The following NBEA variants were observed in gnomAD, a reference collection of about 807,000 sequenced individuals.
NBEA encodes lysosomal-trafficking regulator 2.
A neutral mutation model predicts 343.4 loss-of-function variants in NBEA; 44 were observed. The ratio of observed to expected loss-of-function variants is 0.13; its 90% CI spans 0.10 to 0.16. The LOEUF (loss-of-function observed/expected upper bound fraction) is 0.16. NBEA is among the 10% of genes least tolerant of loss of function. NBEA has a pLI of 1.00. For synonymous variants in NBEA, 1,175 were observed against 1,238.7 expected (o/e 0.95, Z 1.08); for missense variants, 2,555 against 3,631.3 (o/e 0.70, Z 7.62).
At chr13:35,355,766 G>A (rs954399363) in intron 38 of NBEA, among the ~76,000 whole-genome samples, 1 of 151,678 alleles carries the variant, frequency 6.6e-6, no homozygotes, top group East Asian at 1.9e-4. Flanking sequence ...TTCCCAAAAA[G>A]TTCATTGGTC....
chr13:35,240,250 G>A (rs1433799431), intron 34 of NBEA, among the ~76,000 whole-genome samples: 6 of 151,680 alleles, frequency 4.0e-5, no homozygotes, highest in Non-Finnish European at 8.9e-5. Context: ...CTTTGTGAAC[G>A]GATCATTGTA....
At position 35,658,567 on chromosome 13, in the gene NBEA, T is replaced by C. The variant is rs115855841; in HGVS notation, c.8362+2818T>C. ...TAGAGTTTACAAGAATCTACTTTTATACTGATCACAAACTGTTTCTCCTGC... is the reference window on the plus strand; with the variant it reads ...TAGAGTTTACAAGAATCTACTTTTACACTGATCACAAACTGTTTCTCCTGC... On this transcript the variant is annotated intron_variant, in intron 55 of 58. Coordinates refer to ENST00000379939, the MANE Select transcript of NBEA (RefSeq NM_001385012.1). Among the ~76,000 whole-genome samples the C allele has an allele frequency of 7.1e-3, 1,074 of 152,266 alleles. 12 individuals are homozygous for C. Among genetic ancestry groups the C allele is most frequent in the African/African-American group, 0.025 (1,027 of 41,540 alleles).
chr13:35,480,817 A>G (rs2076094570), intron 41 of NBEA, among the ~76,000 whole-genome samples: 1 of 151,966 alleles, frequency 6.6e-6, no homozygotes, highest in Non-Finnish European at 1.5e-5. Context: ...AGTAAAATAG[A>G]GAGAGTTTTT....
At chr13:35,520,302 G>T (rs2077650933) in intron 41 of NBEA, among the ~76,000 whole-genome samples, 2 of 152,258 alleles carry the variant, frequency 1.3e-5, no homozygotes, top group African/African-American at 2.4e-5. Flanking sequence ...TTAACCTGGT[G>T]ATTTGATTAG....
Position 35,110,856 on chromosome 13 carries a change from C to G in NBEA, c.1880C>G (p.Thr627Ser). The change falls in exon 13 of 59, where the codon ACT becomes AGT. Residue 627 changes from threonine to serine, a missense_variant. Transcript: ENST00000379939. ...TATTTGTCTGCTGAATTTATTGGAA[C>G]TGCTACCATCTACACCACCATACGC... is the stretch of plus-strand genomic sequence containing the variant. ...YTYLSAEFIG[T>S]ATIYTTIRRV... is the part of the protein sequence containing the mutation. 1 of 1,612,416 alleles carries G rather than the reference C, an allele frequency of 6.2e-7. No individual in the cohort carries two copies. The highest frequency in any genetic ancestry group is 2.2e-5 in the East Asian group (1 of 44,730).
chr13:35,552,125 T>G (rs1312610096), intron 43 of NBEA, among the ~76,000 whole-genome samples: 2 of 152,228 alleles, frequency 1.3e-5, no homozygotes, highest in Non-Finnish European at 2.9e-5. Flanking sequence ...CATAGACTGT[T>G]ATGTCCTTGA....
intron 38 of NBEA, among the ~76,000 whole-genome samples, chr13:35,414,866 A>T (rs959225940): frequency 1.9e-4 from 29 of 152,256 alleles, no homozygotes; most frequent in African/African-American, 6.7e-4. Flanking sequence ...AAGTGTTCCT[A>T]TTTCTCCACA....
At position 35,070,812 on chromosome 13, in the gene NBEA, A is replaced by C; in HGVS notation, c.1531A>C (p.Asn511His). Reference sequence around the variant, plus strand: ...TTTTCCACTTTTTGCCCAATTGGATAATAGGCAGCTCAATGACAGTCAAGT... The same window carrying C: ...TTTTCCACTTTTTGCCCAATTGGATCATAGGCAGCTCAATGACAGTCAAGT... ...VLFPLFAQLD[N>H]RQLNDSQVET... The change falls in exon 10 of 59, where the codon AAT becomes CAT. Residue 511 changes from asparagine to histidine, a missense_variant. Around this residue, in one of 21 missense-constraint regions of NBEA, gnomAD observed 360 missense variants for 519.1 expected, o/e 0.69. Coordinates refer to ENST00000379939, the MANE Select transcript of NBEA (RefSeq NM_001385012.1). 6.2e-7 allele frequency: 1 copy of C among 1,610,470 alleles called. No homozygotes were observed. The highest frequency in any genetic ancestry group is 8.5e-7 in the Non-Finnish European group (1 of 1,178,876).
chr13:35,272,459 G>C (rs1012307273), intron 34 of NBEA, among the ~76,000 whole-genome samples: 46 of 152,186 alleles, frequency 3.0e-4, no homozygotes, highest in African/African-American at 9.9e-4. Context: ...AACAGGCAAA[G>C]TAACCAGCTA....
intron 47 of NBEA, among the ~76,000 whole-genome samples, chr13:35,596,972 G>A (rs565244181): frequency 5.3e-5 from 8 of 151,898 alleles, no homozygotes; most frequent in East Asian, 1.9e-4. Flanking sequence ...AAGTGAAAAC[G>A]TCTGGATCGG....
At chr13:35,390,996 C>G (rs2042472001) in intron 38 of NBEA, among the ~76,000 whole-genome samples, 1 of 152,034 alleles carries the variant, frequency 6.6e-6, no homozygotes, top group Non-Finnish European at 1.5e-5. Context: ...CCTTGCATTC[C>G]AGGTGCAGTG....
chr13:35,548,458 T>G (rs576538798), intron 41 of NBEA, among the ~76,000 whole-genome samples: 18 of 152,312 alleles, frequency 1.2e-4, no homozygotes, highest in African/African-American at 3.4e-4. Flanking sequence ...ATGTGAGATA[T>G]TAATATATCT....
chr13:35,369,441 A>G (rs2041309213), intron 38 of NBEA, among the ~76,000 whole-genome samples: 2 of 151,792 alleles, frequency 1.3e-5, no homozygotes, highest in South Asian at 2.1e-4. Flanking sequence ...TGGTGTTTTG[A>G]TAGGGATTGC....
intron 1 of NBEA, among the ~76,000 whole-genome samples, chr13:34,987,839 T>C (rs2060609970): frequency 6.6e-6 from 1 of 151,216 alleles, no homozygotes; most frequent in Non-Finnish European, 1.5e-5. Context: ...GCTTTTCAGC[T>C]CCATCAGGTC....
intron 4 of NBEA, among the ~76,000 whole-genome samples, chr13:35,047,417 G>A (rs1010210692): frequency 6.6e-6 from 1 of 151,920 alleles, no homozygotes; most frequent in Non-Finnish European, 1.5e-5. Context: ...TTAGGTATGG[G>A]AACAAAACTA....
intron 38 of NBEA, among the ~76,000 whole-genome samples, chr13:35,422,766 C>CA (rs1295286358): frequency 1.1e-4 from 16 of 152,074 alleles, no homozygotes; most frequent in African/African-American, 3.1e-4. Flanking sequence ...GTCCCACCAA[C>CA]GTGTAAAAGT....
At position 35,452,186 on chromosome 13, in the gene NBEA, C is replaced by T. The variant is rs375169378; in HGVS notation, c.6399C>T (p.Asp2133=). ...NAETELMLEG[D]DDAVSLLQEK... ...AGACAGAACTTATGCTGGAAGGAGA[C>T]GATGATGCAGTCAGTCTGCTACAGG... is the stretch of plus-strand genomic sequence containing the variant. The change falls in exon 40 of 59, where the codon GAC becomes GAT. Residue 2133 remains aspartate (D), a synonymous_variant. Transcript: ENST00000379939. The T allele has an allele frequency of 4.2e-5, 68 of 1,604,426 alleles. No homozygotes were observed. The highest frequency in any genetic ancestry group is 1.1e-4 in the African/African-American group (8 of 74,674).
chr13:35,340,158 C>CT (rs549077695), intron 36 of NBEA, among the ~76,000 whole-genome samples: 1 of 152,088 alleles, frequency 6.6e-6, no homozygotes, highest in Non-Finnish European at 1.5e-5. Flanking sequence ...AGTAGGGACT[C>CT]TAAGTAGTAT....
chr13:35,369,156 A>AT (rs36109768), intron 38 of NBEA, among the ~76,000 whole-genome samples: 87,376 of 128,154 alleles, frequency 0.68, 30,523 homozygotes, highest in South Asian at 0.76. Flanking sequence ...TGCCAGCACC[A>AT]TTTTTTTTTT....
Sources: gnomAD v4.1 joint callset for allele counts (sites outside exome capture counted in the v4.1 genomes callset) on GRCh38, gnomAD v4.1.1 for gene constraint, gnomAD v4.1.1 regional missense constraint, MANE v1.5 for transcripts, NCBI Gene and HGNC (gene_info 2026-07-23, HGNC 2026-07-21) for gene names.